NTRK3: variants seen among roughly 807,000 people sequenced by gnomAD.
NTRK3 encodes neurotrophic receptor tyrosine kinase 3.
NTRK3 carries 24 observed loss-of-function variants against 91.7 expected under a neutral mutation model. That is an observed-to-expected ratio of 0.26 (90% CI 0.19 to 0.37). The LOEUF is 0.37. NTRK3 is among the 10% of genes least tolerant of loss of function. The pLI, the probability that NTRK3 is intolerant of heterozygous loss-of-function variation, is 1.00. For missense variants in NTRK3, 880 were observed against 1,068.9 expected, an observed-to-expected ratio of 0.82 and a Z score of 2.46; for synonymous variants, 483 against 404.0, an observed-to-expected ratio of 1.20 and a Z score of -2.34.
chr15:88,065,247 C>T (rs1056905039), intron 13 of NTRK3, among the ~76,000 whole-genome samples: 1 of 152,152 alleles, frequency 6.6e-6, no homozygotes, highest in Non-Finnish European at 1.5e-5. Flanking sequence ...ATGGTCCTAC[C>T]CACCACCAGG....
intron 13 of NTRK3, among the ~76,000 whole-genome samples, chr15:88,071,829 T>G (rs1003029274): frequency 1.3e-5 from 2 of 152,126 alleles, no homozygotes; most frequent in South Asian, 2.1e-4. Flanking sequence ...TTTTTGTTTT[T>G]GTGTTTGCTC....
intron 13 of NTRK3, among the ~76,000 whole-genome samples, chr15:88,110,543 G>C (rs1465140551): frequency 6.6e-6 from 1 of 152,198 alleles, no homozygotes; most frequent in Admixed American, 6.5e-5. Flanking sequence ...GGGGCCCAGA[G>C]GACATTTATG....
intron 3 of NTRK3, among the ~76,000 whole-genome samples, chr15:88,229,336 C>A (rs556913555): frequency 3.3e-5 from 5 of 152,150 alleles, no homozygotes; most frequent in Admixed American, 6.5e-5. Context: ...AGCAGGAGAA[C>A]TAGGATCAAA....
At chr15:88,117,500 G>A (rs953434674) in intron 13 of NTRK3, among the ~76,000 whole-genome samples, 1 of 152,228 alleles carries the variant, frequency 6.6e-6, no homozygotes, top group Non-Finnish European at 1.5e-5. Flanking sequence ...AGACAAAGGA[G>A]CTAGGATCTT....
chr15:87,923,682 G>T (rs754714501), intron 17 of NTRK3, among the ~76,000 whole-genome samples: 8 of 152,094 alleles, frequency 5.3e-5, no homozygotes, highest in Non-Finnish European at 1.0e-4. Context: ...TAATTGCTAG[G>T]GTTTGAAAGT....
intron 14 of NTRK3, among the ~76,000 whole-genome samples, chr15:88,015,760 G>A (rs145497141): frequency 6.6e-6 from 1 of 152,050 alleles, no homozygotes; most frequent in African/African-American, 2.4e-5. Flanking sequence ...CCAAGATTAG[G>A]AGCTCTGTGC....
chr15:88,146,536 T>C (rs1469019573), intron 6 of NTRK3, among the ~76,000 whole-genome samples: 1 of 152,184 alleles, frequency 6.6e-6, no homozygotes, highest in Non-Finnish European at 1.5e-5. Context: ...TATGATGTCC[T>C]TCATGCACAG....
intron 13 of NTRK3, among the ~76,000 whole-genome samples, chr15:88,090,193 T>C (rs1269808986): frequency 1.3e-5 from 2 of 152,212 alleles, no homozygotes; most frequent in Admixed American, 1.3e-4. Flanking sequence ...CTTCTCCATC[T>C]TAGCACTTAT....
At chr15:88,182,034 G>A (rs897219547) in intron 5 of NTRK3, among the ~76,000 whole-genome samples, 13 of 152,272 alleles carry the variant, frequency 8.5e-5, no homozygotes, top group African/African-American at 2.6e-4. Context: ...GCCTCCAGCT[G>A]CAAAGAACAC....
chr15:87,917,336 A>T (rs1213115420), intron 17 of NTRK3, among the ~76,000 whole-genome samples: 1 of 152,230 alleles, frequency 6.6e-6, no homozygotes, highest in Admixed American at 6.5e-5. Context: ...GGAATCCCAG[A>T]AGATGCACTG....
intron 13 of NTRK3, among the ~76,000 whole-genome samples, chr15:88,108,727 G>T (rs543127041): frequency 6.6e-6 from 1 of 152,310 alleles, no homozygotes; most frequent in East Asian, 1.9e-4. Context: ...AAACAGACTT[G>T]AGTCTCCCTC....
intron 5 of NTRK3, among the ~76,000 whole-genome samples, chr15:88,182,296 G>A (rs188592277): frequency 8.0e-4 from 122 of 152,052 alleles, no homozygotes; most frequent in African/African-American, 2.9e-3. Flanking sequence ...GTAAGGTCAG[G>A]ATCCCCCAAA....
At chr15:88,120,671 A>C (rs936063481) in intron 13 of NTRK3, among the ~76,000 whole-genome samples, 1 of 152,198 alleles carries the variant, frequency 6.6e-6, no homozygotes, top group Non-Finnish European at 1.5e-5. Flanking sequence ...GGTTGGAAAA[A>C]GTGGATTAAT....
intron 3 of NTRK3, among the ~76,000 whole-genome samples, chr15:88,248,188 A>G (rs2053021959): frequency 6.6e-6 from 1 of 152,170 alleles, no homozygotes; most frequent in African/African-American, 2.4e-5. Flanking sequence ...CTGCGGGCTG[A>G]CCTGACCTCA....
At chr15:88,140,070 G>A (rs1384543526) in intron 6 of NTRK3, among the ~76,000 whole-genome samples, 1 of 152,186 alleles carries the variant, frequency 6.6e-6, no homozygotes, top group Non-Finnish European at 1.5e-5. Flanking sequence ...GGAAGGGCGA[G>A]TGGAAGCCAG....
intron 10 of NTRK3, 79 bp from the exon 11 acceptor site, chr15:88,128,813 T>C (rs1002722699): frequency 6.4e-6 from 8 of 1,244,640 alleles, no homozygotes; most frequent in African/African-American, 4.4e-5. Flanking sequence ...CTAATAGCTA[T>C]GATCTCTCCC....
rs1202646621 is a variant in NTRK3, at chr15:88,240,595, C to G, written c.248+15311G>C. The stretch of plus-strand genomic sequence containing the variant: ...AAAGGGGTCTGTAATACAGGGCTGC[C>G]CCCCTGGCTCTGGAGACAAACCTCA... On this transcript the variant is annotated intron_variant, in intron 3 of 18. Coordinates refer to ENST00000394480, the Ensembl canonical transcript of NTRK3. This position sits in a 1 kb window ranked among gnomAD's most constrained non-coding sequence, Gnocchi z 4.9. Among the ~76,000 whole-genome samples, 1 of 152,062 alleles carries G rather than the reference C, an allele frequency of 6.6e-6. No individual in the cohort carries two copies. Among genetic ancestry groups the G allele is most frequent in the African/African-American group, 2.4e-5 (1 of 41,412 alleles).
At chr15:88,071,583 C>T (rs1488392370) in intron 13 of NTRK3, among the ~76,000 whole-genome samples, 2 of 152,212 alleles carry the variant, frequency 1.3e-5, no homozygotes, top group African/African-American at 4.8e-5. Flanking sequence ...GGTTAGGCAG[C>T]ATACTGCTTG....
At chr15:88,083,450 G>A (rs2048233325) in intron 13 of NTRK3, among the ~76,000 whole-genome samples, 1 of 152,160 alleles carries the variant, frequency 6.6e-6, no homozygotes, top group Non-Finnish European at 1.5e-5. Flanking sequence ...TCAAACTCCT[G>A]ACCTCAAGTG....
Sources: gnomAD v4.1 joint callset for allele counts (sites outside exome capture counted in the v4.1 genomes callset) on GRCh38, gnomAD v4.1.1 for gene constraint, Gnocchi (gnomAD v3.1) non-coding constraint, MANE v1.5 for transcripts, NCBI Gene and HGNC (gene_info 2026-07-23, HGNC 2026-07-21) for gene names.